Variants in STK32C observed in about 807,000 individuals in gnomAD.
STK32C encodes the protein serine/threonine kinase 32C, also known as serine/threonine-protein kinase 32C.
STK32C carries 31 observed loss-of-function variants against 56.5 expected under a neutral mutation model. The ratio of observed to expected loss-of-function variants is 0.55; its 90% CI spans 0.41 to 0.74. STK32C has a LOEUF of 0.74. Ranked by LOEUF, STK32C falls within the 30% of genes least tolerant of loss-of-function variation. The pLI is 0.00. For synonymous variants in STK32C, 309 were observed against 289.4 expected (o/e 1.07, Z -0.69); for missense variants, 544 against 676.9 (o/e 0.80, Z 2.18).
intron 1 of STK32C, among the ~76,000 whole-genome samples, chr10:132,251,908 C>T (rs551414755): frequency 7.0e-6 from 1 of 142,312 alleles, no homozygotes; most frequent in Non-Finnish European, 1.5e-5. Flanking sequence ...CGATGCCCTA[C>T]GCCTCCTGGG....
chr10:132,267,916 TGC>T, intron 1 of STK32C, among the ~76,000 whole-genome samples: 1 of 145,510 alleles, frequency 6.9e-6, no homozygotes, highest in African/African-American at 2.6e-5. Flanking sequence ...TGTGTGTCAG[TGC>T]GTGTGCATGC....
At chr10:132,312,571 G>A (rs946945801), upstream of STK32C, among the ~76,000 whole-genome samples, 4 of 152,136 alleles carry the variant, frequency 2.6e-5, no homozygotes, top group African/African-American at 9.7e-5. Context: ...AATAAAAAGA[G>A]TCATCGGTCC....
At chr10:132,224,875 C>T (rs1479901649) in intron 7 of STK32C, among the ~76,000 whole-genome samples, 1 of 152,178 alleles carries the variant, frequency 6.6e-6, no homozygotes, top group Non-Finnish European at 1.5e-5. Flanking sequence ...CTCCCGGTCT[C>T]CAGGACTGGC....
chr10:132,214,895 A>T (rs539317032), intron 10 of STK32C, among the ~76,000 whole-genome samples: 43 of 152,360 alleles, frequency 2.8e-4, no homozygotes, highest in Admixed American at 2.5e-3. Context: ...AGGAGAGGAG[A>T]TAAACTAGAA....
At chr10:132,209,307 A>G in intron 10 of STK32C, 1 of 709,740 alleles carries the variant, frequency 1.4e-6, no homozygotes, top group East Asian at 2.6e-5. Flanking sequence ...AAGCCCGAGG[A>G]TGCCAAGGCC....
intron 2 of STK32C, among the ~76,000 whole-genome samples, chr10:132,237,647 C>T (rs989958411): frequency 5.3e-5 from 8 of 152,220 alleles, no homozygotes; most frequent in East Asian, 1.9e-4. Context: ...CTGAGTGTGC[C>T]GGCGGGGCTG....
intron 10 of STK32C, among the ~76,000 whole-genome samples, chr10:132,216,962 G>C (rs577204001): frequency 8.0e-4 from 121 of 151,356 alleles, no homozygotes; most frequent in African/African-American, 2.9e-3. Flanking sequence ...ATGCAGAAGG[G>C]AAATGTGGGG....
chr10:132,307,428 C>G lies in STK32C; in HGVS notation c.262+144G>C. The G allele has an allele frequency of 1.0e-6, 1 of 971,552 alleles. No individual in the cohort carries two copies. Among genetic ancestry groups the G allele is most frequent in the Non-Finnish European group, 1.4e-6 (1 of 725,608 alleles). 60.2% of individuals were successfully genotyped at this position (971,552 alleles called of 1,614,324 possible). A position where few individuals can be genotyped will look rare whatever the true frequency, so the allele number is the denominator to read the frequency against. ...CAGAACTCGCGTGGGGCCGCAGCCACCCGGCGCGAGCTTCTCCGGAAGCCG... is the reference window on the plus strand; with the variant it reads ...CAGAACTCGCGTGGGGCCGCAGCCAGCCGGCGCGAGCTTCTCCGGAAGCCG... On this transcript the variant is annotated intron_variant, in intron 1 of 11. Coordinates refer to ENST00000298630, the MANE Select transcript of STK32C (RefSeq NM_173575.4). The surrounding 1 kb of genome is among the most constrained non-coding windows in gnomAD (Gnocchi z 4.4).
intron 1 of STK32C, among the ~76,000 whole-genome samples, chr10:132,276,860 G>C (rs1325762684): frequency 6.6e-6 from 1 of 151,966 alleles, no homozygotes; most frequent in Non-Finnish European, 1.5e-5. Context: ...GTCCCCAAGA[G>C]TCCAGGTCAG....
rs756147494 is a variant in STK32C, at chr10:132,222,925, G to A, written c.1055C>T (p.Ala352Val). The A allele has an allele frequency of 4.5e-6, 7 of 1,557,542 alleles. No homozygotes were observed. The highest frequency in any genetic ancestry group is 2.2e-4 in the Middle Eastern group (1 of 4,468). ...SSLQDVQAAPALAGVLWDHLS... is the reference protein window; with the variant it reads ...SSLQDVQAAPVLAGVLWDHLS... Reference sequence around the variant, plus strand: ...GTGGTCCCACAGCACGCCGGCCAGCGCCGGGGCTGCCTGCACGTCCTGGAG... The same window carrying A: ...GTGGTCCCACAGCACGCCGGCCAGCACCGGGGCTGCCTGCACGTCCTGGAG... Residue 352 changes from alanine to valine, a missense_variant, in exon 9 of 12, where the codon GCG becomes GTG. Physicochemically the swap from Ala to Val is moderately conservative, Grantham distance 64 (BLOSUM62 0). This residue lies in a region of STK32C where 277 missense variants were observed against 309.3 expected (regional missense o/e 0.90). Coordinates refer to ENST00000298630, the MANE Select transcript of STK32C (RefSeq NM_173575.4).
exon 1 of STK32C, chr10:132,331,593 C>G (rs2066744610): frequency 1.2e-6 from 2 of 1,612,800 alleles, no homozygotes; most frequent in East Asian, 2.2e-5. Context: ...CCAGGAGAGA[C>G]GCGGGGAGTG....
At chr10:132,254,441 G>A (rs1023420135) in intron 1 of STK32C, among the ~76,000 whole-genome samples, 8 of 151,924 alleles carry the variant, frequency 5.3e-5, no homozygotes, top group Non-Finnish European at 5.9e-5. Context: ...GCAGGGCGCC[G>A]GGAATCAGCA....
At chr10:132,310,353 C>G (rs1348305027), upstream of STK32C, among the ~76,000 whole-genome samples, 3 of 152,336 alleles carry the variant, frequency 2.0e-5, no homozygotes, top group Non-Finnish European at 4.4e-5. The surrounding 1 kb of genome is among the most constrained non-coding windows in gnomAD (Gnocchi z 4.6). Context: ...GGGCTCAGGG[C>G]ACAACTCTTG....
chr10:132,293,230 C>T (rs940392810), intron 1 of STK32C, among the ~76,000 whole-genome samples: 1 of 152,144 alleles, frequency 6.6e-6, no homozygotes, highest in Non-Finnish European at 1.5e-5. Context: ...GTGGCCATCG[C>T]TACTCTCACG....
chr10:132,234,096 TGTGGCCTC>T (rs2137799645), intron 2 of STK32C, among the ~76,000 whole-genome samples: 1 of 152,344 alleles, frequency 6.6e-6, no homozygotes, highest in South Asian at 2.1e-4. Context: ...GCTGAGAACC[TGTGGCCTC>T]GTGGACTCTC....
intron 2 of STK32C, 31 bp from the exon 3 acceptor site, chr10:132,228,159 C>T: frequency 5.0e-6 from 8 of 1,613,032 alleles, no homozygotes; most frequent in Non-Finnish European, 6.8e-6. Context: ...CGGCAGGACG[C>T]CTGAGGACGC....
chr10:132,284,616 A>G (rs1321623368), intron 1 of STK32C, among the ~76,000 whole-genome samples: 1 of 152,092 alleles, frequency 6.6e-6, no homozygotes, highest in Non-Finnish European at 1.5e-5. Context: ...CTGCCCAAAG[A>G]CCAGGCATGA....
chr10:132,239,929 A>AC (rs1195653067), intron 2 of STK32C, among the ~76,000 whole-genome samples: 4 of 151,986 alleles, frequency 2.6e-5, no homozygotes, highest in Admixed American at 2.6e-4. Context: ...CAGATAAGCA[A>AC]CCCCCAGCAC....
chr10:132,324,681 A>T (rs2066464150), intron 1 of STK32C, among the ~76,000 whole-genome samples: 1 of 152,240 alleles, frequency 6.6e-6, no homozygotes. Context: ...AGCTCTGTCA[A>T]ATACTTAAAG....
Sources: allele counts gnomAD v4.1 joint callset (sites outside exome capture counted in the v4.1 genomes callset), GRCh38; gene constraint gnomAD v4.1.1; regional missense constraint gnomAD v4.1.1; non-coding constraint Gnocchi (gnomAD v3.1); transcripts MANE v1.5; gene names NCBI Gene and HGNC (gene_info 2026-07-23, HGNC 2026-07-21).